The following LYST variants were observed in gnomAD, a reference collection of about 807,000 sequenced individuals.
LYST encodes the protein lysosomal-trafficking regulator.
LYST carries 192 observed loss-of-function variants against 413.6 expected under a neutral mutation model. The ratio of observed to expected loss-of-function variants is 0.46; its 90% CI spans 0.41 to 0.52. LYST has a LOEUF of 0.52. Ranked by LOEUF, LYST falls within the 20% of genes least tolerant of loss-of-function variation. LYST has a pLI of 0.00. For synonymous variants in LYST, 1,525 were observed against 1,567.3 expected (o/e 0.97, Z 0.64); for missense variants, 3,815 against 4,499.9 (o/e 0.85, Z 4.35).
chr1:235,677,273 G>A, intron 49 of LYST, 85 bp from the exon 50 acceptor site: 1 of 1,147,338 alleles, frequency 8.7e-7, no homozygotes. Flanking sequence ...CTCAGTCTAT[G>A]TACCTATTGT....
At position 235,755,388 on chromosome 1, in the gene LYST, CAAAAG is replaced by C. The variant is rs71174459; in HGVS notation, c.7229+85_7229+89del. On this transcript the variant is annotated intron_variant, in intron 25 of 52. Transcript: ENST00000389793. ...TGGGCAACAGGGCGAGACTCCGTCT[CAAAAG>C]AAAAGAAAAGAAAAGAAAAGAAAAG... 314,776 of 864,956 alleles carry C rather than the reference CAAAAG, an allele frequency of 0.36. 55,033 individuals are homozygous for C. Among genetic ancestry groups the C allele is most frequent in the Non-Finnish European group, 0.41 (219,936 of 541,020 alleles). 53.6% of individuals were successfully genotyped at this position (864,956 alleles called of 1,614,324 possible). A position where few individuals can be genotyped will look rare whatever the true frequency, so the allele number is the denominator to read the frequency against.
intron 48 of LYST, among the ~76,000 whole-genome samples, chr1:235,683,412 C>T (rs987121992): frequency 4.6e-5 from 7 of 152,170 alleles, no homozygotes; most frequent in African/African-American, 7.2e-5. Context: ...CAGAATAACC[C>T]GACAGCAACT....
intron 42 of LYST, 114 bp downstream of exon 42, chr1:235,715,087 C>T: frequency 1.0e-6 from 1 of 973,708 alleles, no homozygotes; most frequent in South Asian, 1.4e-5. Context: ...ATTCTTTTTC[C>T]TGTAGTTTGA....
upstream of LYST, among the ~76,000 whole-genome samples, chr1:235,868,077 T>G (rs565377914): frequency 3.3e-5 from 5 of 152,334 alleles, no homozygotes; most frequent in African/African-American, 9.6e-5. Context: ...CTTTAAAATA[T>G]GTCTTCTCTG....
chr1:235,770,352 T>G lies in LYST; in HGVS notation c.5785-55A>C, dbSNP rs1481527041. On this transcript the variant is annotated intron_variant, in intron 19 of 52. Coordinates refer to ENST00000389793, the MANE Select transcript of LYST (RefSeq NM_000081.4). ...CATACTTACTGAAAAATATGCAGCA[T>G]GCTTTTTGGAAGACACACAACGCGC... 2.6e-6 allele frequency: 4 copies of G among 1,540,094 alleles called. No individual in the cohort carries two copies. The East Asian group carries it at 6.8e-5, about 26-fold the overall frequency.
At chr1:235,831,084 G>A (rs971711941) in intron 2 of LYST, among the ~76,000 whole-genome samples, 11 of 152,290 alleles carry the variant, frequency 7.2e-5, no homozygotes, top group South Asian at 4.1e-4. Context: ...CATGAACAAC[G>A]AAATCCCCAA....
At chr1:235,782,953 G>C (rs376530954) in intron 14 of LYST, among the ~76,000 whole-genome samples, 1 of 152,108 alleles carries the variant, frequency 6.6e-6, no homozygotes, top group Non-Finnish European at 1.5e-5. Flanking sequence ...CATGGATAAC[G>C]GTGAAGGAAT....
intron 50 of LYST, among the ~76,000 whole-genome samples, chr1:235,673,659 G>T (rs772377288): frequency 1.3e-5 from 2 of 152,048 alleles, no homozygotes; most frequent in African/African-American, 2.4e-5. Flanking sequence ...GTGCTTCTAT[G>T]GTCTAGGAGA....
chr1:235,780,024 G>A (rs1669685358), intron 16 of LYST, among the ~76,000 whole-genome samples: 1 of 151,932 alleles, frequency 6.6e-6, no homozygotes, highest in African/African-American at 2.4e-5. Context: ...CAAAATATTG[G>A]AATAATATAT....
Position 235,677,598 on chromosome 1 carries a change from T to C in LYST, c.10822A>G (p.Thr3608Ala), listed in dbSNP as rs150030873. The C allele has an allele frequency of 1.2e-4, 198 of 1,612,638 alleles. No individual in the cohort carries two copies. The highest frequency in any genetic ancestry group is 1.6e-4 in the Non-Finnish European group (193 of 1,179,010). ...GTGTGACCATAGAGATGTATTTGAG[T>C]CTCCATTTCTATTTCTGATGGCTGA... ...SSTPSEIEMETQIHLYGHTEE... is the reference protein window; with the variant it reads ...SSTPSEIEMEAQIHLYGHTEE... Residue 3608 changes from threonine to alanine, a missense_variant, in exon 49 of 53, where the codon ACT (threonine) becomes GCT (alanine). Thr to Ala is a moderately conservative substitution (Grantham distance 58). Around this residue, in one of 4 missense-constraint regions of LYST, gnomAD observed 866 missense variants for 1,156.0 expected, o/e 0.75. Transcript: ENST00000389793.
In LYST at chr1:235,661,370, G is replaced by A. The variant is rs1195158771; in HGVS notation, c.*1570C>T. On this transcript the variant is annotated 3_prime_UTR_variant, in exon 53 of 53. Transcript: ENST00000389793. The stretch of plus-strand genomic sequence containing the variant: ...GTTCTCAGTAAAAAAATGAAAGCTA[G>A]ACAATAGCTGCAATTTTTTGTTAAC... The A allele has an allele frequency of 6.6e-6, 1 of 152,448 alleles. No individual in the cohort carries two copies. Among genetic ancestry groups the A allele is most frequent in the African/African-American group, 2.4e-5 (1 of 41,436 alleles). 9.4% of individuals were successfully genotyped at this position (152,448 alleles called of 1,614,324 possible).
intron 7 of LYST, 92 bp downstream of exon 7, chr1:235,804,412 C>T: frequency 2.0e-6 from 2 of 979,396 alleles, no homozygotes; most frequent in Admixed American, 1.7e-5. Flanking sequence ...TCCATATGCT[C>T]TAATGACATT....
chr1:235,862,903 G>A (rs1680069603), intron 1 of LYST, among the ~76,000 whole-genome samples: 1 of 151,734 alleles, frequency 6.6e-6, no homozygotes, highest in Non-Finnish European at 1.5e-5. Flanking sequence ...CTCGGCTCAT[G>A]AGAACACTTG....
At chr1:235,721,705 TA>T in intron 39 of LYST, among the ~76,000 whole-genome samples, 1 of 152,294 alleles carries the variant, frequency 6.6e-6, no homozygotes, top group Non-Finnish European at 1.5e-5. Context: ...ACCTGTAGCC[TA>T]AATCTGAAGT....
At chr1:235,788,254 G>T (rs910217212) in intron 13 of LYST, among the ~76,000 whole-genome samples, 7 of 152,258 alleles carry the variant, frequency 4.6e-5, no homozygotes, top group Middle Eastern at 3.4e-3. Context: ...CTGCCTCCCA[G>T]ATTCAAGTGA....
At chr1:235,879,360 T>G (rs1013533650) in intron 1 of LYST, among the ~76,000 whole-genome samples, 2 of 152,220 alleles carry the variant, frequency 1.3e-5, no homozygotes, top group Non-Finnish European at 2.9e-5. Context: ...CTTTGGCCAC[T>G]GGGGACTGGT....
At chr1:235,704,937 C>T (rs1358277097) in intron 44 of LYST, among the ~76,000 whole-genome samples, 1 of 152,286 alleles carries the variant, frequency 6.6e-6, no homozygotes, top group African/African-American at 2.4e-5. Context: ...CTGTGGTATT[C>T]ATTTCTAAGT....
Position 235,759,230 on chromosome 1 carries a change from C to G in LYST, c.6623G>C (p.Gly2208Ala). The G allele has an allele frequency of 6.2e-7, 1 of 1,614,112 alleles. No individual in the cohort carries two copies. Among genetic ancestry groups the G allele is most frequent in the Non-Finnish European group, 8.5e-7 (1 of 1,180,016 alleles). Residue 2208 changes from glycine (G) to alanine (A), a missense_variant, in exon 23 of 53, where the codon GGA (glycine) becomes GCA (alanine). Physicochemically the swap from Gly to Ala is moderately conservative, Grantham distance 60. Around this residue, in one of 4 missense-constraint regions of LYST, gnomAD observed 771 missense variants for 837.1 expected, o/e 0.92. Transcript: ENST00000389793. ...PVVKADHKQL[G>A]AEPRSEDDSP... ...GTCATCTTCTGACCTGGGTTCTGCTCCCAACTGTTTATGATCTGCTTTGAC... is the reference window on the plus strand; with the variant it reads ...GTCATCTTCTGACCTGGGTTCTGCTGCCAACTGTTTATGATCTGCTTTGAC...
intron 3 of LYST, among the ~76,000 whole-genome samples, chr1:235,815,714 A>C (rs1307808754): frequency 6.6e-6 from 1 of 152,230 alleles, no homozygotes; most frequent in Non-Finnish European, 1.5e-5. Context: ...AATACCTAGG[A>C]ATACAGCTAA....
Sources: gnomAD v4.1 joint callset for allele counts (sites outside exome capture counted in the v4.1 genomes callset) on GRCh38, gnomAD v4.1.1 for gene constraint, gnomAD v4.1.1 regional missense constraint, MANE v1.5 for transcripts, NCBI Gene and HGNC (gene_info 2026-07-23, HGNC 2026-07-21) for gene names.